The following TTC28 variants were observed in gnomAD, a reference collection of about 807,000 sequenced individuals.
TTC28 encodes tetratricopeptide repeat domain 28.
TTC28 carries 61 observed loss-of-function variants against 198.0 expected under a neutral mutation model. The ratio of observed to expected loss-of-function variants is 0.31; its 90% CI spans 0.25 to 0.38. The LOEUF (loss-of-function observed/expected upper bound fraction) is 0.38. Among genes scored for constraint, TTC28 ranks in the 10% least tolerant of loss-of-function variants. TTC28 has a pLI of 1.00. For synonymous variants in TTC28, 1,171 were observed against 1,297.8 expected (o/e 0.90, Z 2.10); for missense variants, 2,678 against 3,164.0 (o/e 0.85, Z 3.69).
At chr22:28,101,782 T>TAAAA (rs11459818) in intron 8 of TTC28, among the ~76,000 whole-genome samples, 13 of 53,170 alleles carry the variant, frequency 2.4e-4, no homozygotes, top group East Asian at 1.3e-3. Context: ...CCATCTCTGT[T>TAAAA]AAAAAAAAAA....
intron 2 of TTC28, among the ~76,000 whole-genome samples, chr22:28,426,808 T>G (rs975488686): frequency 3.9e-5 from 6 of 152,070 alleles, no homozygotes; most frequent in African/African-American, 1.4e-4. Context: ...AGTACCCCAT[T>G]AAAAAAGTAA....
At chr22:28,442,179 A>C (rs1020875221) in intron 2 of TTC28, among the ~76,000 whole-genome samples, 1 of 152,200 alleles carries the variant, frequency 6.6e-6, no homozygotes, top group Non-Finnish European at 1.5e-5. Context: ...CAAAAAGCAA[A>C]GTGCCCCCTC....
chr22:28,591,531 T>C (rs1024548803), intron 2 of TTC28, among the ~76,000 whole-genome samples: 7 of 152,136 alleles, frequency 4.6e-5, no homozygotes, highest in Middle Eastern at 3.2e-3. Flanking sequence ...AGCTGGTAAA[T>C]AGAGATTCTG....
chr22:28,420,889 T>C (rs1410731196), intron 2 of TTC28, among the ~76,000 whole-genome samples: 1 of 152,084 alleles, frequency 6.6e-6, no homozygotes, highest in Non-Finnish European at 1.5e-5. Flanking sequence ...GTGTGAGCCA[T>C]TGCACCCAGC....
rs555848793 is a variant in TTC28, at chr22:28,181,322, TTAA to T, written c.934-17726_934-17724del. Among the ~76,000 whole-genome samples the T allele has an allele frequency of 1.2e-3, 187 of 152,254 alleles. 2 individuals are homozygous for T. The highest frequency in any genetic ancestry group is 4.1e-3 in the African/African-American group (171 of 41,538). On this transcript the variant is annotated intron_variant, in intron 5 of 22. Coordinates refer to ENST00000397906, the MANE Select transcript of TTC28 (RefSeq NM_001145418.2). ...TCCTTTGCAGATGTAAATTAACAGA[TTAA>T]TAAGAAAACAAGCTTTCTGGTATGA...
intron 2 of TTC28, among the ~76,000 whole-genome samples, chr22:28,316,546 T>A (rs540542857): frequency 6.6e-6 from 1 of 152,190 alleles, no homozygotes; most frequent in Non-Finnish European, 1.5e-5. Context: ...AGAACTGGCA[T>A]CATAACTATA....
chr22:28,266,536 A>AT (rs778278948), intron 5 of TTC28, among the ~76,000 whole-genome samples: 1 of 152,190 alleles, frequency 6.6e-6, no homozygotes, highest in Non-Finnish European at 1.5e-5. Context: ...TGATGCTAGC[A>AT]TAAGATTGAC....
At chr22:28,178,336 A>G (rs1923373981) in intron 5 of TTC28, among the ~76,000 whole-genome samples, 1 of 151,170 alleles carries the variant, frequency 6.6e-6, no homozygotes, top group African/African-American at 2.4e-5. Flanking sequence ...GCCTAGTGGC[A>G]CATGCCTGTA....
chr22:28,637,518 T>C (rs912790089), intron 1 of TTC28, among the ~76,000 whole-genome samples: 3 of 152,108 alleles, frequency 2.0e-5, no homozygotes, highest in East Asian at 1.9e-4. Context: ...CAAATACCTA[T>C]AGCAGATACA....
chr22:28,491,587 G>A (rs1205995076), intron 2 of TTC28, among the ~76,000 whole-genome samples: 7 of 152,072 alleles, frequency 4.6e-5, no homozygotes, highest in East Asian at 1.9e-4. Flanking sequence ...TTAGAATGGC[G>A]ATCATTAAAA....
At position 28,273,536 on chromosome 22, in the gene TTC28, G is replaced by A. The variant is rs533950374; in HGVS notation, c.933+22662C>T. ...GATCTGTGATCTAGAATATAGGATAGTAAAAAAAAAATCTAAGCTGAAAGA... is the reference window on the plus strand; with the variant it reads ...GATCTGTGATCTAGAATATAGGATAATAAAAAAAAAATCTAAGCTGAAAGA... On this transcript the variant is annotated intron_variant, in intron 5 of 22. Transcript: ENST00000397906. 2.0e-5 allele frequency among the ~76,000 whole-genome samples: 3 copies of A among 151,592 alleles called. No individual in the cohort carries two copies. In the South Asian group the frequency reaches 6.2e-4, roughly 32 times the overall value.
In TTC28 at chr22:28,679,737, G is replaced by C. The variant is rs1299403733; in HGVS notation, c.-14C>G. ...CGACTGCTCCATCCCCACGGGGCCCGGGCCGCGTCCGCCTCGAGCTAACGG... is the reference window on the plus strand; with the variant it reads ...CGACTGCTCCATCCCCACGGGGCCCCGGCCGCGTCCGCCTCGAGCTAACGG... On this transcript the variant is annotated 5_prime_UTR_variant, in exon 1 of 23. Transcript: ENST00000397906. 1 of 1,211,986 alleles carries C rather than the reference G, an allele frequency of 8.3e-7. No individual in the cohort carries two copies. Among genetic ancestry groups the C allele is most frequent in the East Asian group, 3.3e-5 (1 of 29,936 alleles). 75.1% of individuals were successfully genotyped at this position (1,211,986 alleles called of 1,614,324 possible). A position where few individuals can be genotyped will look rare whatever the true frequency, so the allele number is the denominator to read the frequency against.
intron 6 of TTC28, among the ~76,000 whole-genome samples, chr22:28,118,647 T>C (rs528554727): frequency 1.6e-3 from 240 of 152,282 alleles, no homozygotes; most frequent in Non-Finnish European, 2.7e-3. Flanking sequence ...GGCTATCCTA[T>C]CCAGGTTTGT....
At chr22:28,008,035 C>T (rs896636693) in intron 14 of TTC28, 1 of 152,198 alleles carries the variant, frequency 6.6e-6, no homozygotes, top group Non-Finnish European at 1.5e-5. Context: ...CATCCTCTAC[C>T]TCATACTGGA....
At chr22:28,082,692 T>C (rs76293896) in intron 12 of TTC28, among the ~76,000 whole-genome samples, 2,681 of 152,332 alleles carry the variant, frequency 0.018, 41 homozygotes, top group Non-Finnish European at 0.024. Flanking sequence ...ATGATAAATA[T>C]TGGTCTACAG....
chr22:28,504,924 A>G (rs527705671), intron 2 of TTC28, among the ~76,000 whole-genome samples: 36 of 152,242 alleles, frequency 2.4e-4, no homozygotes, highest in African/African-American at 8.4e-4. Flanking sequence ...GAAATTTTTC[A>G]TAAGTATTTT....
intron 2 of TTC28, among the ~76,000 whole-genome samples, chr22:28,592,076 G>A (rs1174084082): frequency 6.6e-6 from 1 of 152,034 alleles, no homozygotes; most frequent in Non-Finnish European, 1.5e-5. Context: ...GAGCAAGTTG[G>A]GCATGGAAGG....
At chr22:28,053,137 A>G (rs1299411265) in intron 12 of TTC28, among the ~76,000 whole-genome samples, 1 of 152,238 alleles carries the variant, frequency 6.6e-6, no homozygotes, top group Non-Finnish European at 1.5e-5. Context: ...GCCGTAAAGA[A>G]ATGCAAAGAA....
chr22:28,227,758 A>C (rs115130346), intron 5 of TTC28, among the ~76,000 whole-genome samples: 2,371 of 152,198 alleles, frequency 0.016, 81 homozygotes, highest in African/African-American at 0.055. Flanking sequence ...ACCCTTGTGC[A>C]CTGCTAGTGG....
Sources: gnomAD v4.1 joint callset for allele counts (sites outside exome capture counted in the v4.1 genomes callset) on GRCh38, gnomAD v4.1.1 for gene constraint, MANE v1.5 for transcripts, NCBI Gene and HGNC (gene_info 2026-07-23, HGNC 2026-07-21) for gene names.